LINS1: variants seen among roughly 807,000 people sequenced by gnomAD.
LINS1 encodes protein Lines homolog 1.
A neutral mutation model predicts 41.6 loss-of-function variants in LINS1; 27 were observed. The observed-to-expected ratio is 0.65, with a 90% CI of 0.48 to 0.89. The LOEUF (loss-of-function observed/expected upper bound fraction) is 0.89. Ranked by LOEUF, LINS1 falls within the 40% of genes least tolerant of loss-of-function variation. LINS1 has a pLI of 0.00. For synonymous variants in LINS1, 336 were observed against 312.9 expected (o/e 1.07, Z -0.78); for missense variants, 955 against 884.1 (o/e 1.08, Z -1.02).
intron 1 of LINS1, among the ~76,000 whole-genome samples, chr15:100,593,330 C>A (rs957204835): frequency 6.6e-6 from 1 of 152,106 alleles, no homozygotes; most frequent in Non-Finnish European, 1.5e-5. Flanking sequence ...CTAAGGGTTA[C>A]CCATATTAAG....
Position 100,569,739 on chromosome 15 carries a change from G to T in LINS1, c.1773C>A (p.Ser591=). Residue 591 remains serine (S), a synonymous_variant, in exon 7 of 7, where the codon TCC becomes TCA. Coordinates refer to ENST00000314742, the MANE Select transcript of LINS1 (RefSeq NM_001040616.3). ...HSHRDVCARH[S]WASDAPSEPL... is the part of the protein sequence containing the mutation. ...GTTCAGAGGGAGCATCGGAAGCCCA[G>T]GAGTGCCGAGCACACACATCTCTGT... is the stretch of plus-strand genomic sequence containing the variant. 1 of 1,613,802 alleles carries T rather than the reference G, an allele frequency of 6.2e-7. No homozygotes were observed. Among genetic ancestry groups the T allele is most frequent in the Non-Finnish European group, 8.5e-7 (1 of 1,179,814 alleles).
chr15:100,575,561 A>C (rs1256169642), intron 3 of LINS1, among the ~76,000 whole-genome samples: 3 of 152,226 alleles, frequency 2.0e-5, no homozygotes, highest in Admixed American at 6.5e-5. Flanking sequence ...TTAGACTCCC[A>C]CACAATAATA....
chr15:100,585,274 C>T (rs2038749970), intron 1 of LINS1, among the ~76,000 whole-genome samples: 2 of 152,352 alleles, frequency 1.3e-5, no homozygotes, highest in Middle Eastern at 3.4e-3. Flanking sequence ...ATGCCCTTGG[C>T]AGAGGTTCTG....
chr15:100,583,326 C>A, intron 1 of LINS1, among the ~76,000 whole-genome samples: 1 of 152,252 alleles, frequency 6.6e-6, no homozygotes, highest in Admixed American at 6.5e-5. Flanking sequence ...CTGGCTTCTT[C>A]CCCTGATTTA....
In LINS1 at chr15:100,568,327, A is replaced by C. The variant is rs1442325620; in HGVS notation, c.*911T>G. 1 of 152,226 alleles carries C rather than the reference A, an allele frequency of 6.6e-6. No individual in the cohort carries two copies. The highest frequency in any genetic ancestry group is 6.5e-5 in the Admixed American group (1 of 15,288). The allele number at this position is 152,226 out of a possible 1,614,324, so 9.4% of individuals were successfully genotyped here. ...GATTCAAGTCCATCAAGGACACATGAAAGTGGCCATATCTGGGATTAGGGT... is the reference window on the plus strand; with the variant it reads ...GATTCAAGTCCATCAAGGACACATGCAAGTGGCCATATCTGGGATTAGGGT... On this transcript the variant is annotated 3_prime_UTR_variant, in exon 7 of 7. Transcript: ENST00000314742.
intron 1 of LINS1, among the ~76,000 whole-genome samples, chr15:100,594,162 T>A (rs1044935850): frequency 2.0e-5 from 3 of 152,268 alleles, no homozygotes; most frequent in Admixed American, 1.3e-4. Context: ...ATGTAAGTGA[T>A]GTGTAAATAG....
At chr15:100,579,497 GA>G (rs1264976270) in intron 3 of LINS1, among the ~76,000 whole-genome samples, 1 of 150,236 alleles carries the variant, frequency 6.7e-6, no homozygotes, top group Non-Finnish European at 1.5e-5. Flanking sequence ...AAAAATGAAA[GA>G]TGAAAATGTT....
At chr15:100,578,769 C>T (rs1431674106) in intron 3 of LINS1, among the ~76,000 whole-genome samples, 2 of 152,104 alleles carry the variant, frequency 1.3e-5, no homozygotes, top group Non-Finnish European at 2.9e-5. Flanking sequence ...AGACTTGGAA[C>T]CAACCCAAAT....
rs147691123 is a variant in LINS1 at position 100,601,173 on chromosome 15, G to A, written c.-104+948C>T. Reference sequence around the variant, plus strand: ...TCCCTGCTCAAATGTCACTTCCTCAGAGACCTTTCCTATCTGTCTTAGTCC... The same window carrying A: ...TCCCTGCTCAAATGTCACTTCCTCAAAGACCTTTCCTATCTGTCTTAGTCC... On this transcript the variant is annotated intron_variant, in intron 1 of 6. Coordinates refer to ENST00000314742, the MANE Select transcript of LINS1 (RefSeq NM_001040616.3). Among the ~76,000 whole-genome samples the A allele has an allele frequency of 1.6e-3, 243 of 152,310 alleles. 3 individuals are homozygous for A. The highest frequency in any genetic ancestry group is 0.015 in the South Asian group (72 of 4,824).
intron 5 of LINS1, chr15:100,572,390 C>A (rs1290280091): frequency 8.7e-7 from 1 of 1,152,642 alleles, no homozygotes; most frequent in Non-Finnish European, 1.1e-6. Flanking sequence ...AATGAGCAGA[C>A]AACTAAGATC....
At chr15:100,586,602 C>G (rs1283594923) in intron 1 of LINS1, among the ~76,000 whole-genome samples, 1 of 152,042 alleles carries the variant, frequency 6.6e-6, no homozygotes, top group Admixed American at 6.5e-5. Flanking sequence ...ATTCTGTAAA[C>G]AAAATGTGCC....
rs2037658687 is a variant in LINS1 at position 100,569,134 on chromosome 15, A to AG, written c.*103_*104insC. 2.6e-6 allele frequency: 2 copies of AG among 784,152 alleles called. No individual in the cohort carries two copies. Among genetic ancestry groups the AG allele is most frequent in the Non-Finnish European group, 4.0e-6 (2 of 495,144 alleles). The allele number at this position is 784,152 out of a possible 1,614,324, so 48.6% of individuals were successfully genotyped here. A position where few individuals can be genotyped will look rare whatever the true frequency, so the allele number is the denominator to read the frequency against. On this transcript the variant is annotated 3_prime_UTR_variant, in exon 7 of 7. Transcript: ENST00000314742. ...TGAGATTCTGTCTCAAAAAAAAAAAAAAAAAAGAAAACCCTTTTATGGTGA... is the reference window on the plus strand; with the variant it reads ...TGAGATTCTGTCTCAAAAAAAAAAAAGAAAAAAGAAAACCCTTTTATGGTGA...
intron 1 of LINS1, among the ~76,000 whole-genome samples, chr15:100,588,130 T>A (rs990352977): frequency 6.6e-6 from 1 of 152,254 alleles, no homozygotes; most frequent in African/African-American, 2.4e-5. Flanking sequence ...GTGAATCTGG[T>A]GTGCTCTGTG....
At chr15:100,584,446 G>A (rs920500839) in intron 1 of LINS1, among the ~76,000 whole-genome samples, 2 of 152,090 alleles carry the variant, frequency 1.3e-5, no homozygotes, top group South Asian at 4.1e-4. Flanking sequence ...ATTCCAGGGA[G>A]TAGATGGGCT....
rs1567709232 is a variant in LINS1, at chr15:100,569,419, G to C, written c.2093C>G (p.Ala698Gly). The change falls in exon 7 of 7, where the codon GCC becomes GGC. Residue 698 changes from alanine (A) to glycine (G), a missense_variant. Transcript: ENST00000314742. ...CACTTCAGAGACGACATCATTTGGG[G>C]CTACTTCACAATCAAAGGAGAAGGC... ...DTAFSFDCEV[A>G]PNDVVSEVGI... 9 of 1,613,980 alleles carry C rather than the reference G, an allele frequency of 5.6e-6. No individual in the cohort carries two copies. The highest frequency in any genetic ancestry group is 3.3e-4 in the Middle Eastern group (2 of 6,084).
chr15:100,591,964 T>C (rs923928606), intron 1 of LINS1, among the ~76,000 whole-genome samples: 8 of 152,130 alleles, frequency 5.3e-5, no homozygotes, highest in African/African-American at 1.2e-4. Context: ...GGCAGGGACA[T>C]AGGCTAATTC....
rs2037637212 is a variant in LINS1 at position 100,568,576 on chromosome 15, T to C, written c.*662A>G. The C allele has an allele frequency of 6.6e-6, 1 of 152,460 alleles. No homozygotes were observed. The highest frequency in any genetic ancestry group is 2.1e-4 in the South Asian group (1 of 4,832). 9.4% of individuals were successfully genotyped at this position (152,460 alleles called of 1,614,324 possible). A position where few individuals can be genotyped will look rare whatever the true frequency, so the allele number is the denominator to read the frequency against. On this transcript the variant is annotated 3_prime_UTR_variant, in exon 7 of 7. Transcript: ENST00000314742. ...GATTCTTCTCCAGACCCTGAGGGCA[T>C]TGCCCTGCTGAAGCCTGAGTTTGGA...
intron 3 of LINS1, 79 bp from the exon 4 acceptor site, chr15:100,575,207 T>C (rs886288072): frequency 7.8e-7 from 1 of 1,286,898 alleles, no homozygotes. Context: ...ACATTGTTTA[T>C]ACATTTGGCC....
At chr15:100,585,870 G>A (rs117710524) in intron 1 of LINS1, among the ~76,000 whole-genome samples, 2,376 of 152,290 alleles carry the variant, frequency 0.016, 37 homozygotes, top group Non-Finnish European at 0.022. Context: ...CTTCAGAACC[G>A]TCAGCATACA....
Sources: gnomAD v4.1 joint callset for allele counts (sites outside exome capture counted in the v4.1 genomes callset) on GRCh38, gnomAD v4.1.1 for gene constraint, MANE v1.5 for transcripts, NCBI Gene and HGNC (gene_info 2026-07-23, HGNC 2026-07-21) for gene names.